The following MAML2 variants were observed in gnomAD, a reference collection of about 807,000 sequenced individuals.
MAML2 encodes the protein mastermind-like protein 2.
MAML2 carries 22 observed loss-of-function variants against 96.1 expected under a neutral mutation model. That is an observed-to-expected ratio of 0.23 (90% confidence interval 0.16 to 0.33). MAML2 has a LOEUF of 0.33. MAML2 is among the 10% of genes least tolerant of loss of function. The pLI, the probability that MAML2 is intolerant of heterozygous loss-of-function variation, is 1.00. For missense variants in MAML2, 1,367 were observed against 1,392.4 expected (o/e 0.98, Z 0.29); for synonymous variants, 561 against 521.3 (o/e 1.08, Z -1.04).
intron 2 of MAML2, among the ~76,000 whole-genome samples, chr11:96,062,150 A>G (rs959056917): frequency 6.6e-6 from 1 of 152,016 alleles, no homozygotes; most frequent in Non-Finnish European, 1.5e-5. Context: ...AGGTTGGAGT[A>G]TGGTACTTTT....
chr11:96,111,263 C>T (rs186040642), intron 1 of MAML2, among the ~76,000 whole-genome samples: 5 of 152,288 alleles, frequency 3.3e-5, no homozygotes, highest in Admixed American at 3.3e-4. Context: ...GCTAGTGTCA[C>T]AGGTGCTTTT....
intron 1 of MAML2, among the ~76,000 whole-genome samples, chr11:96,167,709 T>C (rs1861216018): frequency 6.6e-6 from 1 of 152,240 alleles, no homozygotes; most frequent in African/African-American, 2.4e-5. Context: ...CCAGCTGCAA[T>C]GAATCATCTC....
At chr11:96,078,241 T>TGTAC (rs1859474923) in intron 2 of MAML2, among the ~76,000 whole-genome samples, 1 of 152,238 alleles carries the variant, frequency 6.6e-6, no homozygotes, top group Non-Finnish European at 1.5e-5. Flanking sequence ...GCTCAATCAG[T>TGTAC]GTACACTGAA....
At chr11:95,992,430 T>A (rs1857928165) in intron 2 of MAML2, among the ~76,000 whole-genome samples, 1 of 152,200 alleles carries the variant, frequency 6.6e-6, no homozygotes, top group Admixed American at 6.5e-5. Flanking sequence ...GCCTTTCTAA[T>A]TTGAGGTCTC....
chr11:96,066,271 A>T (rs575250240), intron 2 of MAML2, among the ~76,000 whole-genome samples: 1 of 152,192 alleles, frequency 6.6e-6, no homozygotes, highest in Non-Finnish European at 1.5e-5. Flanking sequence ...AAATAGTGTC[A>T]TCGTGTTAAA....
chr11:96,141,387 C>G (rs2135866540), intron 1 of MAML2, among the ~76,000 whole-genome samples: 1 of 152,202 alleles, frequency 6.6e-6, no homozygotes, highest in African/African-American at 2.4e-5. Flanking sequence ...TACAAAGGAG[C>G]AAAAGATTCC....
chr11:96,331,465 T>C (rs890906182), intron 1 of MAML2, among the ~76,000 whole-genome samples: 1 of 152,104 alleles, frequency 6.6e-6, no homozygotes, highest in Non-Finnish European at 1.5e-5. Context: ...CCAAGATCTA[T>C]TGCTATGGGT....
intron 1 of MAML2, among the ~76,000 whole-genome samples, chr11:96,093,960 G>A (rs1267827981): frequency 6.7e-6 from 1 of 148,882 alleles, no homozygotes; most frequent in South Asian, 2.2e-4. Context: ...ACACTCACAA[G>A]TCTAAAGCTG....
chr11:96,041,975 ATTTT>A (rs549945518), intron 2 of MAML2, among the ~76,000 whole-genome samples: 7 of 121,778 alleles, frequency 5.7e-5, no homozygotes, highest in Admixed American at 8.7e-5. Context: ...CGCCCGGCTA[ATTTT>A]TTTTTTTTTT....
At chr11:95,998,406 G>A (rs1369490135) in intron 2 of MAML2, among the ~76,000 whole-genome samples, 2 of 152,118 alleles carry the variant, frequency 1.3e-5, no homozygotes, top group Non-Finnish European at 2.9e-5. Context: ...TGGACATGAT[G>A]GGTTTCATTC....
In MAML2 at chr11:96,341,668, G is replaced by T. The variant is rs933040683; in HGVS notation, c.228C>A (p.Leu76=). The part of the protein sequence containing the change: ...SDRERESTLQ[L]LSLVQHGQGA... The stretch of plus-strand genomic sequence containing the variant: ...CCTGGCCATGCTGTACAAGGCTCAG[G>T]AGCTGCAAGGTGCTTTCTCTTTCCC... Residue 76 remains leucine, a synonymous_variant, in exon 1 of 5, where the codon CTC becomes CTA. Transcript: ENST00000524717. 6.3e-7 allele frequency: 1 copy of T among 1,582,276 alleles called. No individual in the cohort carries two copies. The highest frequency in any genetic ancestry group is 1.8e-5 in the Admixed American group (1 of 54,802).
intron 1 of MAML2, among the ~76,000 whole-genome samples, chr11:96,299,060 A>AAATATATATATATATATATAT (rs55878534): frequency 1.2e-4 from 7 of 56,334 alleles, no homozygotes; most frequent in Admixed American, 8.9e-4. Context: ...AAAAAAAAAA[A>AAATATATATATATATATATAT]ATATATATAT....
At chr11:96,212,442 C>T (rs1861986953) in intron 1 of MAML2, among the ~76,000 whole-genome samples, 1 of 151,810 alleles carries the variant, frequency 6.6e-6, no homozygotes, top group African/African-American at 2.4e-5. Flanking sequence ...GCAAGTAGAG[C>T]AGAGAGAAGC....
At chr11:96,033,890 G>T (rs1454278452) in intron 2 of MAML2, among the ~76,000 whole-genome samples, 1 of 152,134 alleles carries the variant, frequency 6.6e-6, no homozygotes, top group Non-Finnish European at 1.5e-5. Flanking sequence ...GTTTCCAATT[G>T]TGTTTCTTAG....
chr11:96,220,392 A>C (rs1216399044), intron 1 of MAML2, among the ~76,000 whole-genome samples: 1 of 152,278 alleles, frequency 6.6e-6, no homozygotes, highest in East Asian at 1.9e-4. Flanking sequence ...CCCTAGTGGC[A>C]CCGGACATGG....
intron 1 of MAML2, among the ~76,000 whole-genome samples, chr11:96,251,275 T>C (rs1393911117): frequency 6.6e-6 from 1 of 152,250 alleles, no homozygotes; most frequent in African/African-American, 2.4e-5. Context: ...GAGGTAGCTG[T>C]GTTTCAGATA....
At chr11:96,012,294 C>T (rs1302800200) in intron 2 of MAML2, among the ~76,000 whole-genome samples, 1 of 152,180 alleles carries the variant, frequency 6.6e-6, no homozygotes, top group African/African-American at 2.4e-5. Flanking sequence ...CAACAGACAC[C>T]AAAACAGTCC....
chr11:96,323,483 G>GAAAAAA (rs57745850), intron 1 of MAML2, among the ~76,000 whole-genome samples: 2 of 144,698 alleles, frequency 1.4e-5, no homozygotes, highest in Non-Finnish European at 1.5e-5. Context: ...ACAAAATGCT[G>GAAAAAA]AAAAAAAAAA....
rs7930268 is a variant in MAML2, at chr11:95,978,284, T to G, written c.*664A>C. 0.3 allele frequency: 60,420 copies of G among 202,330 alleles called. 9,485 individuals carry two copies. The highest frequency in any genetic ancestry group is 0.39 in the Admixed American group (6,564 of 16,680). The allele number at this position is 202,330 out of a possible 1,614,324, so 12.5% of individuals were successfully genotyped here. A position where few individuals can be genotyped will look rare whatever the true frequency, so the allele number is the denominator to read the frequency against. On this transcript the variant is annotated 3_prime_UTR_variant, in exon 5 of 5. Coordinates refer to ENST00000524717, the MANE Select transcript of MAML2 (RefSeq NM_032427.4). ...GCCAAAATCAAATTGCACAGCTCTA[T>G]ATTTTTGTTTAATCACTAGACACAG...
Sources: allele counts gnomAD v4.1 joint callset (sites outside exome capture counted in the v4.1 genomes callset), GRCh38; gene constraint gnomAD v4.1.1; transcripts MANE v1.5; gene names NCBI Gene and HGNC (gene_info 2026-07-23, HGNC 2026-07-21).